The following FAM228B variants were observed in gnomAD, a reference collection of about 807,000 sequenced individuals.
The protein encoded by FAM228B is family with sequence similarity 228 member B.
FAM228B carries 38 observed loss-of-function variants against 42.6 expected under a neutral mutation model. That is an observed-to-expected ratio of 0.89 (90% CI 0.69 to 1.17). The LOEUF (loss-of-function observed/expected upper bound fraction) is 1.17, where lower values mean the gene tolerates loss of function less well. FAM228B is among the 50% of genes most tolerant of loss of function. The pLI, the probability that FAM228B is intolerant of heterozygous loss-of-function variation, is 0.00. For synonymous variants in FAM228B, 109 were observed against 122.3 expected, an observed-to-expected ratio of 0.89 and a Z score of 0.72; for missense variants, 344 against 367.3, an observed-to-expected ratio of 0.94 and a Z score of 0.52.
intron 3 of FAM228B, chr2:24,097,175 CA>C (rs1315867746): frequency 6.6e-6 from 1 of 152,118 alleles, no homozygotes; most frequent in Non-Finnish European, 1.5e-5. Context: ...AAAAACATGC[CA>C]AATTGTAAAG....
At position 24,124,401 on chromosome 2, in the gene FAM228B, C is replaced by T. The variant is rs1666247422; in HGVS notation, c.40C>T (p.Leu14Phe). The change falls in exon 2 of 11, where the codon CTT becomes TTT. Residue 14 changes from leucine to phenylalanine, a missense_variant. Transcript: ENST00000615575. Reference protein sequence around the residue: ...VDSDDLVTGTLPKLKSSKEWL... With the variant: ...VDSDDLVTGTFPKLKSSKEWL... Reference sequence around the variant, plus strand: ...CAGTGATGATCTGGTAACTGGCACACTTCCCAAGCTCAAGAGCTCAAAAGA... The same window carrying T: ...CAGTGATGATCTGGTAACTGGCACATTTCCCAAGCTCAAGAGCTCAAAAGA... The T allele has an allele frequency of 2.6e-6, 4 of 1,551,914 alleles. No homozygotes were observed. The South Asian group carries it at 4.8e-5, about 18-fold the overall frequency.
At chr2:24,094,162 C>T (rs1239760230) in intron 2 of FAM228B, among the ~76,000 whole-genome samples, 2 of 151,452 alleles carry the variant, frequency 1.3e-5, no homozygotes, top group Non-Finnish European at 2.9e-5. Flanking sequence ...GCCCCAGCCT[C>T]CTGAATAACT....
chr2:24,081,027 AT>A, intron 2 of FAM228B: 1 of 1,611,332 alleles, frequency 6.2e-7, no homozygotes, highest in Non-Finnish European at 8.5e-7. Context: ...CAGCCTGAAC[AT>A]TTCCTGTGAC....
rs754680294 is a variant in FAM228B at position 24,082,876 on chromosome 2, C to T, written c.-210+1921C>T. ...ACATTGTGTGGAGTGAGCATGGAGGCCTCCTCACCCACAAGATGTAACAGC... is the reference window on the plus strand; with the variant it reads ...ACATTGTGTGGAGTGAGCATGGAGGTCTCCTCACCCACAAGATGTAACAGC... On this transcript the variant is annotated intron_variant, in intron 2 of 10. Coordinates refer to the FAM228B transcript ENST00000613899. 4.4e-5 allele frequency: 70 copies of T among 1,596,166 alleles called. No homozygotes were observed. In the South Asian group the frequency reaches 5.5e-4, roughly 12 times the overall value.
chr2:24,150,823 A>G (rs1468459350), intron 7 of FAM228B, among the ~76,000 whole-genome samples: 1 of 152,008 alleles, frequency 6.6e-6, no homozygotes, highest in African/African-American at 2.4e-5. Flanking sequence ...ATTGTATGTT[A>G]TTTGTTTCTT....
rs536087523 is a variant in FAM228B at position 24,081,786 on chromosome 2, C to G, written c.-210+831C>G. Among the ~76,000 whole-genome samples the G allele has an allele frequency of 2.7e-3, 417 of 151,712 alleles. 3 individuals carry two copies. The highest frequency in any genetic ancestry group is 9.0e-3 in the African/African-American group (373 of 41,322). On this transcript the variant is annotated intron_variant, in intron 2 of 10. Coordinates refer to the FAM228B transcript ENST00000613899. ...TCACTGCAAGCTCTGCCCCACCCCC[C>G]CTGCGTTCATGCCATTCTCTTGCCT...
In FAM228B at chr2:24,084,185, G is replaced by A; in HGVS notation, c.-210+3230G>A. The A allele has an allele frequency of 6.2e-7, 1 of 1,610,250 alleles. No individual in the cohort carries two copies. The highest frequency in any genetic ancestry group is 8.5e-7 in the Non-Finnish European group (1 of 1,178,812). On this transcript the variant is annotated intron_variant, in intron 2 of 10. Coordinates refer to the FAM228B transcript ENST00000613899. The surrounding 1 kb of genome is among the most constrained non-coding windows in gnomAD (Gnocchi z 8.4). ...CCGCCCCGGCGCGGCTGAGCCCTGG[G>A]TACCTGCATTAAGTCCGCCCGGTTC...
rs758881371 is a variant in FAM228B, at chr2:24,084,558, C to A, written c.-210+3603C>A. ...CTGCCTGGGAAGTCCTCGGCCGCCT[C>A]CAGACCGATCCCACCCGGAACACAG... On this transcript the variant is annotated intron_variant, in intron 2 of 10. Coordinates refer to the FAM228B transcript ENST00000613899. This position sits in a 1 kb window ranked among gnomAD's most constrained non-coding sequence, Gnocchi z 8.4. 2.2e-5 allele frequency: 11 copies of A among 500,846 alleles called. No individual in the cohort carries two copies. The highest frequency in any genetic ancestry group is 3.9e-5 in the Admixed American group (1 of 25,478). The allele number at this position is 500,846 out of a possible 1,614,324, so 31.0% of individuals were successfully genotyped here. A position where few individuals can be genotyped will look rare whatever the true frequency, so the allele number is the denominator to read the frequency against.
chr2:24,132,464 GTTTTTTTTTT>G (rs548264853), intron 2 of FAM228B, among the ~76,000 whole-genome samples: 12 of 55,984 alleles, frequency 2.1e-4, no homozygotes, highest in East Asian at 6.2e-4. Flanking sequence ...TCCTGGGATT[GTTTTTTTTTT>G]TTTTTTTTTT....
chr2:24,132,402 G>A (rs1666474719), intron 2 of FAM228B, among the ~76,000 whole-genome samples: 1 of 149,928 alleles, frequency 6.7e-6, no homozygotes, highest in African/African-American at 2.5e-5. Context: ...AGAAGGAATG[G>A]TACGAGCCCT....
chr2:24,153,921 G>T (rs1323749200), intron 7 of FAM228B, among the ~76,000 whole-genome samples: 1 of 152,210 alleles, frequency 6.6e-6, no homozygotes, highest in Non-Finnish European at 1.5e-5. Flanking sequence ...TGGTCCAAAT[G>T]TTGGCTTCCT....
rs1558362467 is a variant in FAM228B, at chr2:24,084,207, G to A, written c.-210+3252G>A. On this transcript the variant is annotated intron_variant, in intron 2 of 10. Coordinates refer to the FAM228B transcript ENST00000613899. This position sits in a 1 kb window ranked among gnomAD's most constrained non-coding sequence, Gnocchi z 8.4. ...TGGGTACCTGCATTAAGTCCGCCCG[G>A]TTCAGGGCGCTGGCCGCCACCTTCA... 1 of 1,613,368 alleles carries A rather than the reference G, an allele frequency of 6.2e-7. No individual in the cohort carries two copies. Among genetic ancestry groups the A allele is most frequent in the Non-Finnish European group, 8.5e-7 (1 of 1,179,808 alleles).
chr2:24,109,499 T>A (rs1665754354), intron 3 of FAM228B, among the ~76,000 whole-genome samples: 1 of 151,996 alleles, frequency 6.6e-6, no homozygotes, highest in Non-Finnish European at 1.5e-5. Context: ...ATCAACAGAG[T>A]AAACAGACAA....
At chr2:24,157,735 C>T (rs1175676944) in intron 7 of FAM228B, among the ~76,000 whole-genome samples, 1 of 43,422 alleles carries the variant, frequency 2.3e-5, no homozygotes, top group Non-Finnish European at 9.5e-5. Flanking sequence ...GAGACTCTGT[C>T]TCAAAAAAAA....
chr2:24,148,146 A>T (rs1338248345), intron 7 of FAM228B, among the ~76,000 whole-genome samples: 1 of 152,070 alleles, frequency 6.6e-6, no homozygotes, highest in African/African-American at 2.4e-5. Context: ...TCCAGTGGTT[A>T]GGCTGCTTTT....
chr2:24,161,546 T>G lies in FAM228B; in HGVS notation c.727T>G (p.Leu243Val). 1.3e-6 allele frequency: 2 copies of G among 1,548,520 alleles called. No individual in the cohort carries two copies. Among genetic ancestry groups the G allele is most frequent in the East Asian group, 2.4e-5 (1 of 40,918 alleles). ...KVNFNDCSFDLKPLARAPYLL... is the reference protein window; with the variant it reads ...KVNFNDCSFDVKPLARAPYLL... ...GAATTTTAATGACTGTAGTTTTGAT[T>G]TGAAACCTTTGGCAAGAGCTCCTTA... is the stretch of plus-strand genomic sequence containing the variant. Residue 243 changes from leucine (L) to valine (V), a missense_variant, in exon 8 of 11, where the codon TTG becomes GTG. By Grantham distance (32) the Leu-to-Val change is conservative. Coordinates refer to ENST00000615575, the MANE Select transcript of FAM228B (RefSeq NM_001145710.2).
At chr2:24,158,833 G>C (rs1667222699) in intron 7 of FAM228B, among the ~76,000 whole-genome samples, 1 of 152,090 alleles carries the variant, frequency 6.6e-6, no homozygotes, top group South Asian at 2.1e-4. Flanking sequence ...TTAGTTTCCT[G>C]GGCTTGCCAT....
intron 3 of FAM228B, among the ~76,000 whole-genome samples, chr2:24,106,545 C>T (rs1665702524): frequency 6.6e-6 from 1 of 151,988 alleles, no homozygotes. Flanking sequence ...GTTTCAAACT[C>T]CTGACCTCAG....
upstream of FAM228B, chr2:24,122,377 A>G: frequency 7.2e-7 from 1 of 1,380,292 alleles, no homozygotes; most frequent in Admixed American, 1.9e-5. Context: ...AATAGAAATA[A>G]TAAGTAAATC....
Sources: gnomAD v4.1 joint callset for allele counts (sites outside exome capture counted in the v4.1 genomes callset) on GRCh38, gnomAD v4.1.1 for gene constraint, Gnocchi (gnomAD v3.1) non-coding constraint, MANE v1.5 for transcripts, NCBI Gene and HGNC (gene_info 2026-07-23, HGNC 2026-07-21) for gene names.